The following SRBD1 variants were observed in gnomAD, a reference collection of about 807,000 sequenced individuals.
The protein encoded by SRBD1 is S1 RNA binding domain 1.
Under a neutral mutation model 115.3 loss-of-function variants are expected in SRBD1, and 88 were observed. The ratio of observed to expected loss-of-function variants is 0.76; its 90% CI spans 0.64 to 0.91. The LOEUF (loss-of-function observed/expected upper bound fraction) is 0.91, where lower values mean the gene tolerates loss of function less well. SRBD1 is among the 40% of genes least tolerant of loss of function. The pLI is 0.00. For missense variants in SRBD1, 1,385 were observed against 1,177.4 expected (o/e 1.18, Z -2.58); for synonymous variants, 509 against 407.7 (o/e 1.25, Z -2.99).
Position 45,433,938 on chromosome 2 carries a change from G to C in SRBD1, c.2050-14044C>G, listed in dbSNP as rs1168626522. Among the ~76,000 whole-genome samples the C allele has an allele frequency of 3.3e-5, 5 of 152,184 alleles. No homozygotes were observed. In the East Asian group the frequency reaches 9.6e-4, roughly 29 times the overall value. ...TGTGCCTATAAGGCTCTGGGATTAA[G>C]ATGGCAAAGGGCATCAGCACTGGAA... On this transcript the variant is annotated intron_variant, in intron 16 of 20. Coordinates refer to ENST00000263736, the MANE Select transcript of SRBD1 (RefSeq NM_018079.5).
At chr2:45,432,000 A>G (rs1558389834) in intron 16 of SRBD1, among the ~76,000 whole-genome samples, 1 of 115,268 alleles carries the variant, frequency 8.7e-6, no homozygotes, top group Admixed American at 9.2e-5. Flanking sequence ...TAAAGAGTTA[A>G]AAGTATTTAT....
intron 14 of SRBD1, among the ~76,000 whole-genome samples, chr2:45,537,395 T>G (rs886173290): frequency 1.4e-4 from 22 of 152,208 alleles, no homozygotes; most frequent in Non-Finnish European, 2.6e-4. Flanking sequence ...TTTGTCTGTC[T>G]TCTCCATTGG....
At chr2:45,396,609 G>C (rs1436085075) in intron 19 of SRBD1, among the ~76,000 whole-genome samples, 1 of 152,152 alleles carries the variant, frequency 6.6e-6, no homozygotes, top group Non-Finnish European at 1.5e-5. Flanking sequence ...CAGAGTTAAT[G>C]CTTATTTTTC....
At chr2:45,580,974 C>T (rs993857485) in intron 6 of SRBD1, among the ~76,000 whole-genome samples, 4 of 151,986 alleles carry the variant, frequency 2.6e-5, no homozygotes, top group Admixed American at 6.6e-5. Context: ...TGAGCCACCG[C>T]GCCCAGCCAA....
chr2:45,494,892 A>T (rs1415655082), intron 14 of SRBD1, among the ~76,000 whole-genome samples: 1 of 152,242 alleles, frequency 6.6e-6, no homozygotes, highest in East Asian at 1.9e-4. Context: ...GTGGAGGACA[A>T]GTTAGAAGCA....
In SRBD1 at chr2:45,605,300, G is replaced by A. The variant is rs1572833421; in HGVS notation, c.80+62C>T. Reference sequence around the variant, plus strand: ...TTAAGGAGTTAGAAAGTGACAGAATGCATTACTCCTTATTAAAATATTCAT... The same window carrying A: ...TTAAGGAGTTAGAAAGTGACAGAATACATTACTCCTTATTAAAATATTCAT... On this transcript the variant is annotated intron_variant, in intron 2 of 20. Transcript: ENST00000263736. The A allele has an allele frequency of 2.7e-6, 4 of 1,487,968 alleles. No homozygotes were observed. The East Asian group carries it at 9.1e-5, about 34-fold the overall frequency. The allele number at this position is 1,487,968 out of a possible 1,614,324, so 92.2% of individuals were successfully genotyped here. A position where few individuals can be genotyped will look rare whatever the true frequency, so the allele number is the denominator to read the frequency against.
chr2:45,473,505 A>G (rs114284129), intron 16 of SRBD1, among the ~76,000 whole-genome samples: 1,733 of 152,236 alleles, frequency 0.011, 39 homozygotes, highest in African/African-American at 0.038. Flanking sequence ...ATTCTTTCAA[A>G]GAAGGTGTGA....
chr2:45,415,676 GGGGAGGGGAC>G lies in SRBD1; in HGVS notation c.2334-2393_2334-2384del, dbSNP rs1236161599. ...GGGGAGGGGAGGGGAGGGGAGGGGA[GGGGAGGGGAC>G]GGGAGAGGAGAGGAGAGGAGAGGAG... On this transcript the variant is annotated intron_variant, in intron 18 of 20. Transcript: ENST00000263736. 2.3e-3 allele frequency among the ~76,000 whole-genome samples: 92 copies of G among 40,784 alleles called. 1 individual carries two copies. The highest frequency in any genetic ancestry group is 3.7e-3 in the South Asian group (3 of 816). The allele number at this position is 40,784 out of a possible 152,430, so 26.8% of individuals were successfully genotyped here. A position where few individuals can be genotyped will look rare whatever the true frequency, so the allele number is the denominator to read the frequency against.
intron 6 of SRBD1, among the ~76,000 whole-genome samples, chr2:45,580,739 G>A (rs1351316533): frequency 1.0e-4 from 14 of 134,558 alleles, no homozygotes; most frequent in African/African-American, 3.7e-4. Context: ...AGGCTGGAGT[G>A]CAGTGGCACG....
At chr2:45,594,018 A>T (rs1041978131) in intron 4 of SRBD1, among the ~76,000 whole-genome samples, 7 of 152,214 alleles carry the variant, frequency 4.6e-5, no homozygotes, top group African/African-American at 1.4e-4. Context: ...ATACTTCAAA[A>T]AAAGGTTGTT....
chr2:45,547,691 G>T (rs1457962795), intron 12 of SRBD1, 79 bp from the exon 13 acceptor site: 3 of 1,237,600 alleles, frequency 2.4e-6, no homozygotes, highest in South Asian at 2.7e-5. Flanking sequence ...TAAGCAAGTT[G>T]TAACAGAAAA....
chr2:45,479,391 G>A (rs899017283), intron 15 of SRBD1, among the ~76,000 whole-genome samples: 5 of 152,204 alleles, frequency 3.3e-5, no homozygotes, highest in Non-Finnish European at 7.3e-5. Context: ...TGAATGCAAA[G>A]GAAGAGTTCT....
intron 16 of SRBD1, among the ~76,000 whole-genome samples, chr2:45,466,791 A>G (rs1051523405): frequency 6.6e-6 from 1 of 152,186 alleles, no homozygotes; most frequent in Non-Finnish European, 1.5e-5. Context: ...ATACACTGCA[A>G]TGTGCATTCA....
chr2:45,469,301 G>T (rs916852248), intron 16 of SRBD1, among the ~76,000 whole-genome samples: 14 of 152,192 alleles, frequency 9.2e-5, no homozygotes, highest in African/African-American at 3.1e-4. Flanking sequence ...AACACTGAAA[G>T]TAACTTAAAG....
intron 5 of SRBD1, among the ~76,000 whole-genome samples, chr2:45,583,684 TAAC>T (rs1221488730): frequency 6.6e-6 from 1 of 152,140 alleles, no homozygotes; most frequent in Non-Finnish European, 1.5e-5. Context: ...GGGTAGCAAT[TAAC>T]AAATTGAAAA....
rs564570370 is a variant in SRBD1, at chr2:45,442,740, G to A, written c.2050-22846C>T. ...GCTTAGAACTGACAGTTTATTTTAAGTAAGTTTGGGTTTTAAAGTGAATCA... is the reference window on the plus strand; with the variant it reads ...GCTTAGAACTGACAGTTTATTTTAAATAAGTTTGGGTTTTAAAGTGAATCA... On this transcript the variant is annotated intron_variant, in intron 16 of 20. Coordinates refer to ENST00000263736, the MANE Select transcript of SRBD1 (RefSeq NM_018079.5). 1.5e-3 allele frequency among the ~76,000 whole-genome samples: 231 copies of A among 152,300 alleles called. 1 individual carries two copies. Among genetic ancestry groups the A allele is most frequent in the African/African-American group, 5.5e-3 (229 of 41,560 alleles).
intron 18 of SRBD1, 37 bp from the exon 19 acceptor site, chr2:45,413,330 G>C (rs1459312707): frequency 1.1e-5 from 17 of 1,583,430 alleles, no homozygotes; most frequent in Non-Finnish European, 8.6e-7. Flanking sequence ...TTATGAAAAG[G>C]GGAAGGTTGG....
intron 20 of SRBD1, among the ~76,000 whole-genome samples, chr2:45,392,273 C>T (rs569278463): frequency 2.4e-4 from 36 of 152,294 alleles, no homozygotes; most frequent in African/African-American, 4.8e-4. Context: ...GCCCTAAACA[C>T]GGAATCATCA....
chr2:45,443,266 A>G (rs1020417924), intron 16 of SRBD1, among the ~76,000 whole-genome samples: 2 of 152,178 alleles, frequency 1.3e-5, no homozygotes, highest in Non-Finnish European at 2.9e-5. Context: ...AGCTGGAGGA[A>G]AAAGAGGGAA....
Sources: gnomAD v4.1 joint callset for allele counts (sites outside exome capture counted in the v4.1 genomes callset) on GRCh38, gnomAD v4.1.1 for gene constraint, MANE v1.5 for transcripts, NCBI Gene and HGNC (gene_info 2026-07-23, HGNC 2026-07-21) for gene names.